The following SCN11A variants were observed in gnomAD, a reference collection of about 807,000 sequenced individuals.
The protein encoded by SCN11A is sodium channel protein type 11 subunit alpha.
In SCN11A, 122 loss-of-function variants were observed where a neutral mutation model predicts 162.2. That is an observed-to-expected ratio of 0.75 (90% CI 0.65 to 0.87). The LOEUF (loss-of-function observed/expected upper bound fraction) is 0.87, where lower values mean the gene tolerates loss of function less well. Ranked by LOEUF, SCN11A falls within the 40% of genes least tolerant of loss-of-function variation. The probability of loss-of-function intolerance (pLI) is 0.00; values close to 1 mark genes in which losing one functional copy is unlikely to be tolerated. For missense variants in SCN11A, 2,015 were observed against 2,181.6 expected (o/e 0.92, Z 1.52); for synonymous variants, 758 against 751.5 (o/e 1.01, Z -0.14).
At chr3:38,892,965 AG>A (rs1487392529) in intron 19 of SCN11A, among the ~76,000 whole-genome samples, 20 of 152,140 alleles carry the variant, frequency 1.3e-4, no homozygotes. Context: ...AAAACATGGA[AG>A]ACATATAGAA....
Position 38,889,643 on chromosome 3 carries a change from C to CA in SCN11A, c.2836-3406dup, listed in dbSNP as rs1294633196. Among the ~76,000 whole-genome samples, 4 of 149,422 alleles carry CA rather than the reference C, an allele frequency of 2.7e-5. No individual in the cohort carries two copies. The East Asian group carries it at 6.1e-4, about 23-fold the overall frequency. On this transcript the variant is annotated intron_variant, in intron 19 of 29. Coordinates refer to ENST00000302328, the MANE Select transcript of SCN11A (RefSeq NM_001349253.2). ...TGAAACCCCATCTCTACTAAAAATA[C>CA]AAAAAAATCAGCCGAGTGTGGTGGC... is the stretch of plus-strand genomic sequence containing the variant.
chr3:38,868,629 A>G (rs2065078248), intron 26 of SCN11A, among the ~76,000 whole-genome samples: 1 of 152,240 alleles, frequency 6.6e-6, no homozygotes, highest in Non-Finnish European at 1.5e-5. Flanking sequence ...TAGGAAATGT[A>G]GGAAAAATAA....
At position 38,904,021 on chromosome 3, in the gene SCN11A, C is replaced by G. The variant is rs761329100; in HGVS notation, c.1686G>C (p.Gln562His). Reference protein sequence around the residue: ...SKYLVWNCCPQWLCVKKVLRT... With the variant: ...SKYLVWNCCPHWLCVKKVLRT... ...TCAGGACCTTCTTAACGCACAGCCACTGGGGGCAACAGTTCCACACGAGGT... is the reference window on the plus strand; with the variant it reads ...TCAGGACCTTCTTAACGCACAGCCAGTGGGGGCAACAGTTCCACACGAGGT... The change falls in exon 16 of 30, where the codon CAG becomes CAC. Residue 562 changes from glutamine (Q) to histidine (H), a missense_variant. By Grantham distance (24) the Gln-to-His change is conservative. Coordinates refer to ENST00000302328, the MANE Select transcript of SCN11A (RefSeq NM_001349253.2). The G allele has an allele frequency of 6.2e-6, 10 of 1,612,250 alleles. No individual in the cohort carries two copies. The highest frequency in any genetic ancestry group is 8.5e-6 in the Non-Finnish European group (10 of 1,179,538).
At chr3:38,988,966 TTG>T (rs1357165497) in intron 2 of SCN11A, among the ~76,000 whole-genome samples, 1 of 152,182 alleles carries the variant, frequency 6.6e-6, no homozygotes, top group Non-Finnish European at 1.5e-5. Context: ...TGCATATTCT[TTG>T]GCACCACTGA....
Position 38,960,408 on chromosome 3 carries a change from A to C in SCN11A, c.-264T>G, listed in dbSNP as rs2066729884. 6.6e-6 allele frequency among the ~76,000 whole-genome samples: 1 copy of C among 152,148 alleles called. No homozygotes were observed. Among genetic ancestry groups the C allele is most frequent in the African/African-American group, 2.4e-5 (1 of 41,438 alleles). On this transcript the variant is annotated 5_prime_UTR_variant, in exon 3 of 30. Transcript: ENST00000302328. ...GGCAGCTGCCTGGAGCCCTTCTGGG[A>C]GGAGCGGCTTGGAGGCTGGGTGGAG...
At chr3:39,028,767 T>A (rs996079293) in intron 2 of SCN11A, among the ~76,000 whole-genome samples, 2 of 152,206 alleles carry the variant, frequency 1.3e-5, no homozygotes, top group African/African-American at 4.8e-5. Flanking sequence ...TATAACAATC[T>A]GCTCTCATGG....
chr3:38,958,019 T>C (rs2066702441), intron 3 of SCN11A, among the ~76,000 whole-genome samples: 1 of 152,086 alleles, frequency 6.6e-6, no homozygotes. Flanking sequence ...GCCTGGACAA[T>C]AGGCAACGTA....
chr3:38,880,189 C>T (rs1413148176), intron 22 of SCN11A, 66 bp from the exon 23 acceptor site: 1 of 1,239,624 alleles, frequency 8.1e-7, no homozygotes, highest in Non-Finnish European at 1.1e-6. Context: ...GGTAACTTTA[C>T]TTTTTGTTTT....
rs755531821 is a variant in SCN11A at position 38,894,561 on chromosome 3, C to T, written c.2807G>A (p.Arg936His). The T allele has an allele frequency of 1.9e-5, 30 of 1,610,986 alleles. No individual in the cohort carries two copies. The South Asian group carries it at 2.7e-4, about 14-fold the overall frequency. ...TTGTTCAGGCTCAGGTTGTGTGATG[C>T]GCTGTGCATTATCTTCACCAGAAAA... Reference protein sequence around the residue: ...VEFSGEDNAQRITQPEPEQQA... With the variant: ...VEFSGEDNAQHITQPEPEQQA... The change falls in exon 19 of 30, where the codon CGC (arginine) becomes CAC (histidine). Residue 936 changes from arginine (R) to histidine (H), a missense_variant. Transcript: ENST00000302328.
intron 7 of SCN11A, 148 bp from the exon 8 acceptor site, chr3:38,927,079 G>C: frequency 1.4e-6 from 1 of 719,104 alleles, no homozygotes; most frequent in East Asian, 2.7e-5. Flanking sequence ...GTTCAAAAAT[G>C]CAAGCTTTTT....
intron 2 of SCN11A, among the ~76,000 whole-genome samples, chr3:38,988,806 T>C (rs895137675): frequency 2.0e-5 from 3 of 152,236 alleles, no homozygotes; most frequent in East Asian, 1.9e-4. Context: ...CAAGGTCACA[T>C]AGCTAGTGAG....
chr3:39,031,697 A>G (rs2031755977), intron 2 of SCN11A, among the ~76,000 whole-genome samples: 1 of 152,196 alleles, frequency 6.6e-6, no homozygotes, highest in Non-Finnish European at 1.5e-5. Flanking sequence ...TTACTTCTGT[A>G]TAATTATTTA....
In SCN11A at chr3:38,988,681, G is replaced by A. The variant is rs540815967; in HGVS notation, c.-279-28258C>T. The stretch of plus-strand genomic sequence containing the variant: ...ACTCCGTTCAGAGTGTTATAAGACT[G>A]CTAGGCTTTAAAGATATTTTATAAG... On this transcript the variant is annotated intron_variant, in intron 2 of 29. Transcript: ENST00000302328. Among the ~76,000 whole-genome samples the A allele has an allele frequency of 1.6e-4, 25 of 152,274 alleles. No individual in the cohort carries two copies. The South Asian group carries it at 5.2e-3, about 32-fold the overall frequency.
At chr3:39,021,728 T>C (rs960236065) in intron 2 of SCN11A, among the ~76,000 whole-genome samples, 1 of 152,182 alleles carries the variant, frequency 6.6e-6, no homozygotes, top group Non-Finnish European at 1.5e-5. Context: ...GGAAGGATTC[T>C]TAACTGTTTC....
At chr3:38,850,394 G>T in intron 29 of SCN11A, 87 bp downstream of exon 29, 1 of 1,232,460 alleles carries the variant, frequency 8.1e-7, no homozygotes, top group Non-Finnish European at 1.1e-6. Context: ...CTGCTTTGTG[G>T]ATAGTTTGAA....
At chr3:38,870,771 T>G (rs1340432802) in intron 25 of SCN11A, 27 bp from the exon 26 acceptor site, 7 of 1,603,122 alleles carry the variant, frequency 4.4e-6, no homozygotes, top group Non-Finnish European at 6.0e-6. Context: ...AAAACATGAA[T>G]AATACAAATG....
rs1233251677 is a variant in SCN11A, at chr3:38,894,859, C to G, written c.2509G>C (p.Asp837His). 1.2e-6 allele frequency: 2 copies of G among 1,614,206 alleles called. No individual in the cohort carries two copies. Among genetic ancestry groups the G allele is most frequent in the East Asian group, 4.5e-5 (2 of 44,882 alleles). Residue 837 changes from aspartate (D) to histidine (H), a missense_variant, in exon 19 of 30, where the codon GAT (aspartate) becomes CAT (histidine). Physicochemically the swap from Asp to His is moderately conservative, Grantham distance 81. Coordinates refer to ENST00000302328, the MANE Select transcript of SCN11A (RefSeq NM_001349253.2). ...AAACAAAAAGCCCGGCGGAATCGAT[C>G]CAGTGCTAACTGGACTTTAGTTTTC... Reference protein sequence around the residue: ...ARKTKVQLALDRFRRAFCFVR... With the variant: ...ARKTKVQLALHRFRRAFCFVR...
chr3:38,894,326 T>C (rs2065549225), intron 19 of SCN11A, among the ~76,000 whole-genome samples: 1 of 152,150 alleles, frequency 6.6e-6, no homozygotes, highest in Non-Finnish European at 1.5e-5. Context: ...TGCTCCCCTC[T>C]GAACTCTTCT....
intron 23 of SCN11A, among the ~76,000 whole-genome samples, chr3:38,878,031 G>A (rs2065248184): frequency 6.6e-6 from 1 of 151,596 alleles, no homozygotes; most frequent in Non-Finnish European, 1.5e-5. Flanking sequence ...GGGAAATGAG[G>A]GTGTGAGGGA....
Sources: gnomAD v4.1 joint callset for allele counts (sites outside exome capture counted in the v4.1 genomes callset) on GRCh38, gnomAD v4.1.1 for gene constraint, MANE v1.5 for transcripts, NCBI Gene and HGNC (gene_info 2026-07-23, HGNC 2026-07-21) for gene names.